Variants in RAD51B observed in about 807,000 individuals in gnomAD.
RAD51B encodes DNA repair protein RAD51 homolog 2.
In RAD51B, 38 loss-of-function variants were observed where a neutral mutation model predicts 42.2. The observed-to-expected ratio is 0.90, with a 90% confidence interval of 0.70 to 1.18. RAD51B has a LOEUF of 1.18. RAD51B is among the 50% of genes most tolerant of loss of function. The pLI is 0.00. For missense variants in RAD51B, 373 were observed against 400.7 expected (o/e 0.93, Z 0.59); for synonymous variants, 154 against 145.2 (o/e 1.06, Z -0.43).
chr14:68,601,902 G>C (rs1355983775), intron 10 of RAD51B, among the ~76,000 whole-genome samples: 1 of 152,030 alleles, frequency 6.6e-6, no homozygotes, highest in Non-Finnish European at 1.5e-5. Context: ...AGTCATCATT[G>C]ACCCCAAACC....
At chr14:68,571,090 G>C (rs569322716) in intron 10 of RAD51B, among the ~76,000 whole-genome samples, 25 of 152,292 alleles carry the variant, frequency 1.6e-4, no homozygotes, top group South Asian at 8.3e-4. Context: ...TTGGCAGAGG[G>C]GGGAGGCAGA....
At chr14:67,820,808 C>T (rs1379635600) in intron 1 of RAD51B, among the ~76,000 whole-genome samples, 1 of 152,014 alleles carries the variant, frequency 6.6e-6, no homozygotes, top group African/African-American at 2.4e-5. Context: ...CACGCACTCC[C>T]CGAGTCCTTT....
rs1266099996 is a variant in RAD51B, at chr14:68,621,770, T to C, written c.1037-29011T>C. Among the ~76,000 whole-genome samples the C allele has an allele frequency of 3.9e-5, 5 of 127,488 alleles. No homozygotes were observed. In the East Asian group the frequency reaches 9.4e-4, roughly 24 times the overall value. The allele number at this position is 127,488 out of a possible 152,430, so 83.6% of individuals were successfully genotyped here. A position where few individuals can be genotyped will look rare whatever the true frequency, so the allele number is the denominator to read the frequency against. On this transcript the variant is annotated intron_variant, in intron 10 of 11. Coordinates refer to the RAD51B transcript ENST00000488612. ...TGGAAACATAACAACAAAGCCAAGA[T>C]GTAGTGGCTTAGCAAGAATAAAACA...
At chr14:68,352,336 G>C (rs1397962029) in intron 8 of RAD51B, among the ~76,000 whole-genome samples, 1 of 152,202 alleles carries the variant, frequency 6.6e-6, no homozygotes, top group Non-Finnish European at 1.5e-5. Flanking sequence ...GGCCAGGTCT[G>C]ATGCCTCCTA....
intron 7 of RAD51B, among the ~76,000 whole-genome samples, chr14:68,127,763 T>C (rs2077800088): frequency 6.6e-6 from 1 of 152,186 alleles, no homozygotes; most frequent in Non-Finnish European, 1.5e-5. Flanking sequence ...GCTTATTCAC[T>C]CTTACTTTAA....
intron 7 of RAD51B, among the ~76,000 whole-genome samples, chr14:67,951,111 A>G (rs926821653): frequency 6.6e-6 from 1 of 152,248 alleles, no homozygotes; most frequent in East Asian, 1.9e-4. Context: ...TGACACGGAC[A>G]TGAAATGAGC....
chr14:68,363,729 G>T (rs1019248374), intron 8 of RAD51B, among the ~76,000 whole-genome samples: 8 of 152,244 alleles, frequency 5.3e-5, no homozygotes, highest in Admixed American at 3.9e-4. Flanking sequence ...TCTTTCTCCC[G>T]GCGGGGAGTG....
intron 10 of RAD51B, among the ~76,000 whole-genome samples, chr14:68,547,314 T>C (rs1888287943): frequency 6.6e-6 from 1 of 152,270 alleles, no homozygotes; most frequent in Non-Finnish European, 1.5e-5. Context: ...TCCATCTGTT[T>C]CTAAAGACAC....
intron 8 of RAD51B, among the ~76,000 whole-genome samples, chr14:68,357,740 CT>C (rs201526112): frequency 6.6e-6 from 1 of 152,090 alleles, no homozygotes; most frequent in Non-Finnish European, 1.5e-5. Context: ...AAAGAGATCT[CT>C]TTTTTTCTGA....
intron 10 of RAD51B, among the ~76,000 whole-genome samples, chr14:68,539,136 G>A (rs1360652450): frequency 1.3e-5 from 2 of 152,154 alleles, no homozygotes; most frequent in African/African-American, 2.4e-5. Flanking sequence ...TAAAACAACA[G>A]CTAGGAACTT....
In RAD51B at chr14:67,825,481, C is replaced by G. The variant is rs776657609; in HGVS notation, c.102C>G (p.Ser34=). The change falls in exon 3 of 11, where the codon TCC becomes TCG. Residue 34 remains serine (S), a synonymous_variant. Coordinates refer to ENST00000471583, the MANE Select transcript of RAD51B (RefSeq NM_133510.4). The part of the protein sequence containing the change: ...ILTCQDFLCL[S]PLELMKVTGL... Reference sequence around the variant, plus strand: ...TTCTTTAGGACTTTTTATGTCTTTCCCCACTGGAGCTTATGAAGGTGACTG... The same window carrying G: ...TTCTTTAGGACTTTTTATGTCTTTCGCCACTGGAGCTTATGAAGGTGACTG... The G allele has an allele frequency of 2.5e-6, 4 of 1,611,674 alleles. No individual in the cohort carries two copies. The African/African-American group carries it at 5.4e-5, about 22-fold the overall frequency.
chr14:68,292,389 C>T (rs2081534143), intron 8 of RAD51B, among the ~76,000 whole-genome samples: 1 of 152,172 alleles, frequency 6.6e-6, no homozygotes, highest in African/African-American at 2.4e-5. Flanking sequence ...AGAGATATGA[C>T]ATTCCTGATC....
Position 67,862,934 on chromosome 14 carries a change from A to G in RAD51B, c.316-2069A>G, listed in dbSNP as rs2042209694. Among the ~76,000 whole-genome samples the G allele has an allele frequency of 5.3e-5, 8 of 152,078 alleles. No homozygotes were observed. The South Asian group carries it at 1.7e-3, about 31-fold the overall frequency. ...ATATTAGTAAAATAGTATGTTCATA[A>G]TAAATATGCATATATTGGAGGGCTG... On this transcript the variant is annotated intron_variant, in intron 4 of 10. Coordinates refer to ENST00000471583, the MANE Select transcript of RAD51B (RefSeq NM_133510.4).
chr14:68,540,039 G>A (rs1018254738), intron 10 of RAD51B, among the ~76,000 whole-genome samples: 5 of 152,168 alleles, frequency 3.3e-5, no homozygotes, highest in South Asian at 2.1e-4. Flanking sequence ...GAGCATTTCT[G>A]TGCTGGCATC....
chr14:68,149,064 TTGTTTTCTTATTGC>T (rs2078317482), intron 7 of RAD51B, among the ~76,000 whole-genome samples: 1 of 152,192 alleles, frequency 6.6e-6, no homozygotes, highest in African/African-American at 2.4e-5. Flanking sequence ...ATCAGATTGT[TTGTTTTCTTATTGC>T]TGTTTTAAGA....
chr14:68,292,549 G>C (rs1283753946), intron 8 of RAD51B, among the ~76,000 whole-genome samples: 1 of 152,140 alleles, frequency 6.6e-6, no homozygotes, highest in Non-Finnish European at 1.5e-5. Context: ...TAAACCAGAG[G>C]GTGGTTTCTA....
intron 9 of RAD51B, among the ~76,000 whole-genome samples, chr14:68,440,402 A>G (rs1010708074): frequency 2.0e-5 from 3 of 152,238 alleles, no homozygotes; most frequent in African/African-American, 4.8e-5. Flanking sequence ...TGGAAGAACT[A>G]TACTTCTGCC....
In RAD51B at chr14:67,842,020, T is replaced by C. The variant is rs138108511; in HGVS notation, c.315+6824T>C. The stretch of plus-strand genomic sequence containing the variant: ...GGTATTGATTCTTCAAATCCATGAG[T>C]ATGGAATGTTTTTTCATTTGTTTGT... On this transcript the variant is annotated intron_variant, in intron 4 of 10. Coordinates refer to ENST00000471583, the MANE Select transcript of RAD51B (RefSeq NM_133510.4). Among the ~76,000 whole-genome samples, 813 of 152,332 alleles carry C rather than the reference T, an allele frequency of 5.3e-3. 6 individuals are homozygous for C. The highest frequency in any genetic ancestry group is 0.018 in the African/African-American group (752 of 41,572).
intron 7 of RAD51B, among the ~76,000 whole-genome samples, chr14:68,123,828 C>A (rs979260550): frequency 6.6e-6 from 1 of 152,090 alleles, no homozygotes; most frequent in African/African-American, 2.4e-5. Flanking sequence ...AACCAACCAA[C>A]CAAACAAACA....
Sources: allele counts gnomAD v4.1 joint callset (sites outside exome capture counted in the v4.1 genomes callset), GRCh38; gene constraint gnomAD v4.1.1; transcripts MANE v1.5; gene names NCBI Gene and HGNC (gene_info 2026-07-23, HGNC 2026-07-21).